Variants in DYRK4 observed in about 807,000 individuals in gnomAD.
The protein encoded by DYRK4 is dual specificity tyrosine phosphorylation regulated kinase 4.
In DYRK4, 64 loss-of-function variants were observed where a neutral mutation model predicts 68.3. The observed-to-expected ratio is 0.94, with a 90% CI of 0.77 to 1.15. DYRK4 has a LOEUF of 1.15. Among genes scored for constraint, DYRK4 ranks in the 50% most tolerant of loss-of-function variants. The pLI, the probability that DYRK4 is intolerant of heterozygous loss-of-function variation, is 0.00. For missense variants in DYRK4, 740 were observed against 764.7 expected (o/e 0.97, Z 0.38); for synonymous variants, 274 against 289.9 (o/e 0.95, Z 0.56).
chr12:4,569,377 G>A (rs1944708756), intron 2 of DYRK4, among the ~76,000 whole-genome samples: 1 of 152,188 alleles, frequency 6.6e-6, no homozygotes, highest in African/African-American at 2.4e-5. Context: ...AAACAGAACA[G>A]TATTGGTTAT....
chr12:4,593,134 G>A lies in DYRK4; in HGVS notation c.596G>A (p.Ser199Asn), dbSNP rs757042179. 5 of 1,613,932 alleles carry A rather than the reference G, an allele frequency of 3.1e-6. No homozygotes were observed. Among genetic ancestry groups the A allele is most frequent in the African/African-American group, 2.7e-5 (2 of 74,912 alleles). Reference sequence around the variant, plus strand: ...GCTCCTGAGAAATTTAGCAAGACGAGTTTTGATGATGAGCATGGCTTCTAT... The same window carrying A: ...GCTCCTGAGAAATTTAGCAAGACGAATTTTGATGATGAGCATGGCTTCTAT... Reference protein sequence around the residue: ...DTAPEKFSKTSFDDEHGFYLK... With the variant: ...DTAPEKFSKTNFDDEHGFYLK... Residue 199 changes from serine (S) to asparagine (N), a missense_variant, in exon 6 of 15, where the codon AGT (serine) becomes AAT (asparagine). By Grantham distance (46) the Ser-to-Asn change is conservative. Around this residue, in one of 3 missense-constraint regions of DYRK4, gnomAD observed 614 missense variants for 603.7 expected, o/e 1.02. Transcript: ENST00000543431.
intron 6 of DYRK4, among the ~76,000 whole-genome samples, chr12:4,595,315 A>C (rs186446284): frequency 7.8e-4 from 118 of 152,176 alleles, no homozygotes; most frequent in African/African-American, 2.5e-3. Context: ...CCTCTCCCAA[A>C]CTCATGAGTG....
intron 2 of DYRK4, among the ~76,000 whole-genome samples, chr12:4,587,390 C>A (rs1944908658): frequency 2.0e-5 from 3 of 152,180 alleles, no homozygotes; most frequent in Non-Finnish European, 4.4e-5. Context: ...GTGATCTTTT[C>A]CTTCTTTGTT....
intron 8 of DYRK4, among the ~76,000 whole-genome samples, chr12:4,597,384 G>A (rs1278566529): frequency 1.3e-5 from 2 of 152,234 alleles, no homozygotes; most frequent in Admixed American, 1.3e-4. Flanking sequence ...TTAGCGAGCT[G>A]GTAGCTCACT....
Position 4,590,311 on chromosome 12 carries a change from G to T in DYRK4, c.214-19G>T. ...CTTGCCTAAGGCTTTTGTAACACAT[G>T]CAATTTCTCCTTCTACAGAACACCA... On this transcript the variant is annotated intron_variant, in intron 3 of 14. Coordinates refer to ENST00000543431, the MANE Select transcript of DYRK4 (RefSeq NM_001394779.1). 1.3e-6 allele frequency: 2 copies of T among 1,526,898 alleles called. No homozygotes were observed. The highest frequency in any genetic ancestry group is 2.4e-5 in the South Asian group (2 of 81,942). The allele number at this position is 1,526,898 out of a possible 1,614,324, so 94.6% of individuals were successfully genotyped here.
chr12:4,606,300 ATC>A (rs1279579597), intron 11 of DYRK4, among the ~76,000 whole-genome samples: 1 of 151,318 alleles, frequency 6.6e-6, no homozygotes, highest in Non-Finnish European at 1.5e-5. Context: ...CTGGCTATCT[ATC>A]TATCTATCTA....
rs1328422591 is a variant in DYRK4, at chr12:4,574,823, T to C, written c.132+6775T>C. Among the ~76,000 whole-genome samples the C allele has an allele frequency of 3.3e-5, 5 of 152,182 alleles. No individual in the cohort carries two copies. In the South Asian group the frequency reaches 6.2e-4, roughly 19 times the overall value. ...GCCTCCGCCTCCCCAGTTCAAGTGA[T>C]TCTTGTGCCTCAGCCTCCCCAGTAG... On this transcript the variant is annotated intron_variant, in intron 2 of 14. Transcript: ENST00000543431.
chr12:4,577,904 T>A (rs1249404840), intron 2 of DYRK4, among the ~76,000 whole-genome samples: 1 of 152,238 alleles, frequency 6.6e-6, no homozygotes, highest in African/African-American at 2.4e-5. Flanking sequence ...GTAAATGGTA[T>A]TGCACTTTTA....
At chr12:4,581,357 G>C (rs922239840) in intron 2 of DYRK4, among the ~76,000 whole-genome samples, 2 of 152,202 alleles carry the variant, frequency 1.3e-5, no homozygotes, top group African/African-American at 4.8e-5. Flanking sequence ...GCTTCTGCCA[G>C]ACAGGTTCTT....
At chr12:4,607,909 G>T (rs999931093) in intron 12 of DYRK4, among the ~76,000 whole-genome samples, 1 of 152,198 alleles carries the variant, frequency 6.6e-6, no homozygotes, top group Non-Finnish European at 1.5e-5. Context: ...ATGTGTTGTG[G>T]CTGGTAGTTA....
chr12:4,564,352 TC>T (rs1944656416), intron 1 of DYRK4: 1 of 152,026 alleles, frequency 6.6e-6, no homozygotes, highest in African/African-American at 2.4e-5. Context: ...TAACTTAAGT[TC>T]ATTAAAAACA....
intron 2 of DYRK4, among the ~76,000 whole-genome samples, chr12:4,577,127 G>GT (rs1944797616): frequency 6.6e-6 from 1 of 152,130 alleles, no homozygotes; most frequent in Admixed American, 6.5e-5. Flanking sequence ...AAGTTTTATA[G>GT]TTTCGTGATT....
chr12:4,585,227 C>G (rs1035054080), intron 2 of DYRK4, among the ~76,000 whole-genome samples: 1 of 152,200 alleles, frequency 6.6e-6, no homozygotes, highest in Non-Finnish European at 1.5e-5. Flanking sequence ...TCTCCTGTCC[C>G]TTCTCTTGAT....
chr12:4,594,491 T>G (rs1297475845), intron 6 of DYRK4, among the ~76,000 whole-genome samples: 1 of 152,176 alleles, frequency 6.6e-6, no homozygotes, highest in Non-Finnish European at 1.5e-5. Context: ...CCCAAAAGGC[T>G]GGGATCACAG....
rs1417949798 is a variant in DYRK4, at chr12:4,562,255, C to G, written c.10C>G (p.Leu4Val). Residue 4 changes from leucine to valine, a missense_variant, in exon 1 of 15, where the codon CTC (leucine) becomes GTC (valine). This residue lies in a region of DYRK4 where 70 missense variants were observed against 71.1 expected (regional missense o/e 0.98). Coordinates refer to ENST00000543431, the MANE Select transcript of DYRK4 (RefSeq NM_001394779.1). ...GGTCAGCGCCGGCCTCATGCAGCTC[C>G]TCCCGCCGCCTATCCGCACCGGAAC... MQL[L>V]PPPIRTGTKT... 1 of 1,532,834 alleles carries G rather than the reference C, an allele frequency of 6.5e-7. No homozygotes were observed. Among genetic ancestry groups the G allele is most frequent in the Non-Finnish European group, 8.7e-7 (1 of 1,145,560 alleles). The allele number at this position is 1,532,834 out of a possible 1,614,324, so 95.0% of individuals were successfully genotyped here.
chr12:4,580,170 A>G lies in DYRK4; in HGVS notation c.133-8767A>G, dbSNP rs187026235. On this transcript the variant is annotated intron_variant, in intron 2 of 14. Coordinates refer to ENST00000543431, the MANE Select transcript of DYRK4 (RefSeq NM_001394779.1). The stretch of plus-strand genomic sequence containing the variant: ...AATGCATTAGAAATTGACTCCAGCT[A>G]TCTGGACCCCCAGGCTCTTGCCCTT... Among the ~76,000 whole-genome samples, 237 of 152,330 alleles carry G rather than the reference A, an allele frequency of 1.6e-3. 1 individual carries two copies. Among genetic ancestry groups the G allele is most frequent in the African/African-American group, 5.4e-3 (224 of 41,566 alleles).
chr12:4,605,954 G>T (rs990219527), intron 11 of DYRK4, among the ~76,000 whole-genome samples: 3 of 151,928 alleles, frequency 2.0e-5, no homozygotes, highest in Non-Finnish European at 4.4e-5. Context: ...CTAAAATTAT[G>T]TTTACCAGCC....
At chr12:4,569,795 C>G (rs926791887) in intron 2 of DYRK4, among the ~76,000 whole-genome samples, 2 of 152,082 alleles carry the variant, frequency 1.3e-5, no homozygotes, top group African/African-American at 4.8e-5. Flanking sequence ...TTCCACGCCT[C>G]TCTGTTGCAT....
chr12:4,607,226 T>C, intron 11 of DYRK4, 101 bp from the exon 12 acceptor site: 4 of 1,347,120 alleles, frequency 3.0e-6, no homozygotes, highest in Admixed American at 3.5e-5. Flanking sequence ...CTTTGAATCC[T>C]TATCTGTAGA....
Sources: gnomAD v4.1 joint callset for allele counts (sites outside exome capture counted in the v4.1 genomes callset) on GRCh38, gnomAD v4.1.1 for gene constraint, gnomAD v4.1.1 regional missense constraint, MANE v1.5 for transcripts, NCBI Gene and HGNC (gene_info 2026-07-23, HGNC 2026-07-21) for gene names.